The following COL9A1 variants were observed in gnomAD, a reference collection of about 807,000 sequenced individuals.
COL9A1 encodes the protein collagen alpha-1(IX) chain.
COL9A1 carries 104 observed loss-of-function variants against 142.6 expected under a neutral mutation model. That is an observed-to-expected ratio of 0.73 (90% CI 0.62 to 0.86). COL9A1 has a LOEUF of 0.86. Among genes scored for constraint, COL9A1 ranks in the 40% least tolerant of loss-of-function variants. COL9A1 has a pLI of 0.00. For synonymous variants in COL9A1, 466 were observed against 396.0 expected, an observed-to-expected ratio of 1.18 and a Z score of -2.10; for missense variants, 1,210 against 1,176.6, an observed-to-expected ratio of 1.03 and a Z score of -0.42.
intron 36 of COL9A1, among the ~76,000 whole-genome samples, chr6:70,227,576 A>T (rs933944734): frequency 1.3e-5 from 2 of 152,088 alleles, no homozygotes; most frequent in African/African-American, 2.4e-5. Flanking sequence ...ATCCCATTGG[A>T]GGCTAATTTG....
chr6:70,233,704 GCA>G (rs1769704157), intron 35 of COL9A1, among the ~76,000 whole-genome samples: 1 of 152,210 alleles, frequency 6.6e-6, no homozygotes, highest in East Asian at 1.9e-4. Context: ...CAAAATGTCT[GCA>G]ATGAAGAGGC....
intron 4 of COL9A1, among the ~76,000 whole-genome samples, chr6:70,297,545 T>G (rs755932148): frequency 3.3e-4 from 50 of 152,270 alleles, no homozygotes; most frequent in Middle Eastern, 3.4e-3. Flanking sequence ...TGTCTTTTCT[T>G]GGAATACCCG....
intron 4 of COL9A1, among the ~76,000 whole-genome samples, chr6:70,295,660 A>T (rs900943052): frequency 1.3e-5 from 2 of 152,092 alleles, no homozygotes; most frequent in African/African-American, 4.8e-5. Flanking sequence ...GGCAGAATAA[A>T]ACCAGTAGTG....
chr6:70,301,952 A>G, intron 2 of COL9A1, 49 bp downstream of exon 2: 1 of 1,470,414 alleles, frequency 6.8e-7, no homozygotes, highest in Non-Finnish European at 9.4e-7. Context: ...CTGCCTGATC[A>G]TTTCTGGGAA....
chr6:70,297,158 T>G (rs1465760707), intron 4 of COL9A1, among the ~76,000 whole-genome samples: 1 of 152,116 alleles, frequency 6.6e-6, no homozygotes, highest in East Asian at 1.9e-4. Flanking sequence ...AAGAACATAA[T>G]GTCTTAATTT....
At chr6:70,271,845 A>C in intron 13 of COL9A1, 137 bp from the exon 14 acceptor site, 1 of 995,122 alleles carries the variant, frequency 1.0e-6, no homozygotes. Flanking sequence ...AACTCATTTG[A>C]CCAAACTTTA....
At chr6:70,230,899 G>A (rs1306874302) in intron 36 of COL9A1, among the ~76,000 whole-genome samples, 2 of 152,186 alleles carry the variant, frequency 1.3e-5, no homozygotes, top group Non-Finnish European at 2.9e-5. Flanking sequence ...ATTTTTTAAA[G>A]AAGAGTTCTG....
In COL9A1 at chr6:70,232,647, C is replaced by T. The variant is rs747652928; in HGVS notation, c.2439G>A (p.Met813Ile). The change falls in exon 36 of 38, where the codon ATG becomes ATA. Residue 813 changes from methionine to isoleucine, a missense_variant. Transcript: ENST00000357250. ...TAATGCCCGGAAGGCCACGAATTCC[C>T]ATCTGGCCTGGGAAACCATTCTCTC... ...PPGENGFPGQ[M>I]GIRGLPGIKG... is the part of the protein sequence containing the mutation. The T allele has an allele frequency of 6.2e-7, 1 of 1,614,072 alleles. No homozygotes were observed.
At chr6:70,234,669 A>G in intron 34 of COL9A1, 76 bp from the exon 35 acceptor site, 1 of 1,605,554 alleles carries the variant, frequency 6.2e-7, no homozygotes, top group Non-Finnish European at 8.5e-7. Flanking sequence ...AAACTGACAG[A>G]CTCTGCAAGG....
At position 70,232,650 on chromosome 6, in the gene COL9A1, C is replaced by A. The variant is rs141830060; in HGVS notation, c.2436G>T (p.Gln812His). 7.9e-5 allele frequency: 127 copies of A among 1,614,110 alleles called. No individual in the cohort carries two copies. The African/African-American group carries it at 1.5e-3, about 19-fold the overall frequency. ...GPPGENGFPG[Q>H]MGIRGLPGIK... ...TGCCCGGAAGGCCACGAATTCCCAT[C>A]TGGCCTGGGAAACCATTCTCTCCAG... Residue 812 changes from glutamine to histidine, a missense_variant, in exon 36 of 38, where the codon CAG becomes CAT. By Grantham distance (24) the Gln-to-His change is conservative (BLOSUM62 0). Coordinates refer to ENST00000357250, the MANE Select transcript of COL9A1 (RefSeq NM_001851.6).
Position 70,255,200 on chromosome 6 carries a change from C to T in COL9A1, c.1561G>A (p.Ala521Thr). The T allele has an allele frequency of 6.2e-7, 1 of 1,614,090 alleles. No homozygotes were observed. Among genetic ancestry groups the T allele is most frequent in the South Asian group, 1.1e-5 (1 of 91,078 alleles). The stretch of plus-strand genomic sequence containing the variant: ...CCAGGAATTCCTCTAGCACCTTCAG[C>T]CCCCTGCAGGGAGGAAGAGAAAGAA... ...GEAGPKGDRG[A>T]EGARGIPGLP... Residue 521 changes from alanine to threonine, a missense_variant, in exon 23 of 38, where the codon GCT becomes ACT. Physicochemically the swap from Ala to Thr is moderately conservative, Grantham distance 58. Coordinates refer to ENST00000357250, the MANE Select transcript of COL9A1 (RefSeq NM_001851.6).
rs138091050 is a variant in COL9A1 at position 70,269,662 on chromosome 6, T to C, written c.1201A>G (p.Thr401Ala). The C allele has an allele frequency of 4.9e-5, 78 of 1,585,078 alleles. No homozygotes were observed. The highest frequency in any genetic ancestry group is 6.1e-5 in the Non-Finnish European group (70 of 1,153,678). The change falls in exon 16 of 38, where the codon ACA becomes GCA. Residue 401 changes from threonine (T) to alanine (A), a missense_variant. By Grantham distance (58) the Thr-to-Ala change is moderately conservative (BLOSUM62 0). Transcript: ENST00000357250. ...GGATCTCCATCATGAAAGCCAATTG[T>C]TCCCTAAAGTAAACAAAATATTAAG... ...GPPGPPGPRG[T>A]IGFHDGDPLC...
chr6:70,229,270 C>G (rs1483303198), intron 36 of COL9A1, among the ~76,000 whole-genome samples: 2 of 152,090 alleles, frequency 1.3e-5, no homozygotes, highest in Admixed American at 1.3e-4. Flanking sequence ...ACTTCAAACC[C>G]TGATCATGTC....
chr6:70,260,799 T>C, intron 19 of COL9A1, 89 bp from the exon 20 acceptor site: 4 of 1,212,122 alleles, frequency 3.3e-6, no homozygotes, highest in South Asian at 1.3e-5. Context: ...AGACAATGGA[T>C]ATTATCATAA....
Position 70,241,979 on chromosome 6 carries a change from T to C in COL9A1, c.1983A>G (p.Gly661=). ...PGLPGPPGLP[G]MKGDRGVVGE... is the part of the protein sequence containing the mutation. ...GAGCTCTTACCCTGTCACCTTTCAT[T>C]CCAGGAAGTCCAGGGGGCCCAGGCA... Residue 661 remains glycine, a synonymous_variant, in exon 30 of 38, where the codon GGA becomes GGG. Transcript: ENST00000357250. 1 of 1,596,254 alleles carries C rather than the reference T, an allele frequency of 6.3e-7. No homozygotes were observed.
chr6:70,242,692 T>C lies in COL9A1; in HGVS notation c.1896A>G (p.Pro632=), dbSNP rs1168801557. 1 of 1,614,100 alleles carries C rather than the reference T, an allele frequency of 6.2e-7. No homozygotes were observed. The highest frequency in any genetic ancestry group is 2.2e-5 in the East Asian group (1 of 44,890). ...GLPGSRGELG[P]VGSPGLPGKL... The stretch of plus-strand genomic sequence containing the variant: ...TACCTGGTAGGCCTGGGGATCCCAC[T>C]GGTCCTAATTCTCCTCTACTGCCCT... Residue 632 remains proline, a synonymous_variant, in exon 29 of 38, where the codon CCA becomes CCG. Coordinates refer to ENST00000357250, the MANE Select transcript of COL9A1 (RefSeq NM_001851.6).
chr6:70,270,969 C>G (rs943692088), intron 14 of COL9A1, among the ~76,000 whole-genome samples: 1 of 152,174 alleles, frequency 6.6e-6, no homozygotes, highest in African/African-American at 2.4e-5. Context: ...GCACATTTTC[C>G]TTCTTGATGT....
intron 37 of COL9A1, among the ~76,000 whole-genome samples, chr6:70,220,389 G>GGT (rs58525634): frequency 1.0e-3 from 155 of 148,704 alleles, no homozygotes; most frequent in South Asian, 2.8e-3. Context: ...GGTGTGGCAG[G>GGT]GTGTGTGTGT....
intron 36 of COL9A1, among the ~76,000 whole-genome samples, chr6:70,231,870 A>C (rs1359313980): frequency 6.6e-6 from 1 of 152,166 alleles, no homozygotes; most frequent in Non-Finnish European, 1.5e-5. Context: ...AAGCTGATAT[A>C]CTTACTCCCC....
Sources: gnomAD v4.1 joint callset for allele counts (sites outside exome capture counted in the v4.1 genomes callset) on GRCh38, gnomAD v4.1.1 for gene constraint, MANE v1.5 for transcripts, NCBI Gene and HGNC (gene_info 2026-07-23, HGNC 2026-07-21) for gene names.